DLGAP2: variants seen among roughly 807,000 people sequenced by gnomAD.
The protein encoded by DLGAP2 is disks large-associated protein 2.
DLGAP2 carries 26 observed loss-of-function variants against 100.3 expected under a neutral mutation model. The observed-to-expected ratio is 0.26, with a 90% confidence interval of 0.19 to 0.36. The LOEUF is 0.36. DLGAP2 is among the 10% of genes least tolerant of loss of function. The probability of loss-of-function intolerance (pLI) is 1.00; values close to 1 mark genes in which losing one functional copy is unlikely to be tolerated. For missense variants in DLGAP2, 1,858 were observed against 1,453.2 expected, an observed-to-expected ratio of 1.28 and a Z score of -4.53; for synonymous variants, 886 against 630.1, an observed-to-expected ratio of 1.41 and a Z score of -6.08.
intron 8 of DLGAP2, among the ~76,000 whole-genome samples, chr8:1,649,595 A>C (rs1461350968): frequency 6.6e-6 from 1 of 152,206 alleles, no homozygotes; most frequent in Non-Finnish European, 1.5e-5. Context: ...CTGTATCACT[A>C]CTGATATTTT....
At chr8:1,363,129 CCATGTGGGCCACACAAAACCATCTG>C (rs1237633819) in intron 3 of DLGAP2, among the ~76,000 whole-genome samples, 10 of 152,228 alleles carry the variant, frequency 6.6e-5, no homozygotes, top group Non-Finnish European at 1.3e-4. Flanking sequence ...AAAGAAAATA[CCATGTGGGCCACACAAAACCATCTG>C]CAGGTGGAGC....
intron 1 of DLGAP2, among the ~76,000 whole-genome samples, chr8:766,188 C>G (rs1400741876): frequency 2.0e-5 from 3 of 152,140 alleles, no homozygotes; most frequent in African/African-American, 4.8e-5. Context: ...AAACAAGAAA[C>G]AAAACCAATC....
At chr8:1,089,058 G>A (rs1318134012) in intron 2 of DLGAP2, among the ~76,000 whole-genome samples, 2 of 114,038 alleles carry the variant, frequency 1.8e-5, no homozygotes, top group Admixed American at 9.1e-5. Flanking sequence ...CTTGCTCCCC[G>A]GCCTCACTCT....
rs566421353 is a variant in DLGAP2 at position 1,211,643 on chromosome 8, A to G, written c.74-47208A>G. 2.4e-4 allele frequency among the ~76,000 whole-genome samples: 36 copies of G among 152,314 alleles called. No homozygotes were observed. In the South Asian group the frequency reaches 5.4e-3, roughly 23 times the overall value. On this transcript the variant is annotated intron_variant, in intron 2 of 14. Transcript: ENST00000637795. ...GTAATCCCAGCACTTTGGGAGGCCAAGGTGGGTGGATCACCTGAGGTCGGG... is the reference window on the plus strand; with the variant it reads ...GTAATCCCAGCACTTTGGGAGGCCAGGGTGGGTGGATCACCTGAGGTCGGG...
intron 4 of DLGAP2, among the ~76,000 whole-genome samples, chr8:1,533,822 C>T (rs928500046): frequency 3.9e-5 from 6 of 152,078 alleles, no homozygotes; most frequent in Admixed American, 1.3e-4. Context: ...CCTGGCACAG[C>T]GGCCTGAGCC....
In DLGAP2 at chr8:1,252,078, G is replaced by T. The variant is rs955927051; in HGVS notation, c.74-6773G>T. Among the ~76,000 whole-genome samples the T allele has an allele frequency of 6.2e-5, 9 of 146,162 alleles. 1 individual carries two copies. The highest frequency in any genetic ancestry group is 2.2e-4 in the African/African-American group (8 of 36,512). Reference sequence around the variant, plus strand: ...ACTTGTCACACTGTGTTGTCGTGTGGGTGTGTTGTGTTGTCCTGGGTCACG... The same window carrying T: ...ACTTGTCACACTGTGTTGTCGTGTGTGTGTGTTGTGTTGTCCTGGGTCACG... On this transcript the variant is annotated intron_variant, in intron 2 of 14. Coordinates refer to ENST00000637795, the MANE Select transcript of DLGAP2 (RefSeq NM_001346810.2).
chr8:1,108,233 G>A (rs1004414263), intron 2 of DLGAP2, among the ~76,000 whole-genome samples: 6 of 152,164 alleles, frequency 3.9e-5, no homozygotes, highest in African/African-American at 1.4e-4. Flanking sequence ...GAGGCTTTCT[G>A]GAGAATGGTT....
chr8:795,116 C>T (rs1270092360), intron 1 of DLGAP2, among the ~76,000 whole-genome samples: 1 of 152,204 alleles, frequency 6.6e-6, no homozygotes, highest in Non-Finnish European at 1.5e-5. Flanking sequence ...CATCTGGCTC[C>T]AGTGGGTTTT....
At chr8:1,080,231 G>A (rs965049925) in intron 2 of DLGAP2, among the ~76,000 whole-genome samples, 1 of 152,244 alleles carries the variant, frequency 6.6e-6, no homozygotes, top group Non-Finnish European at 1.5e-5. Flanking sequence ...CAGGCACTCA[G>A]CAGGCACTTG....
In DLGAP2 at chr8:1,419,392, ACTCACAGTAATTGTACATATTT is replaced by A. The variant is rs1797030214; in HGVS notation, c.107-81973_107-81952del. Among the ~76,000 whole-genome samples, 9 of 53,972 alleles carry A rather than the reference ACTCACAGTAATTGTACATATTT, an allele frequency of 1.7e-4. No individual in the cohort carries two copies. The South Asian group carries it at 7.5e-3, about 45-fold the overall frequency. 35.4% of individuals were successfully genotyped at this position (53,972 alleles called of 152,430 possible). ...TTTTATAAATGGTTATTTTTGGTTG[ACTCACAGTAATTGTACATATTT>A]GTGGGATACTGTGTTACACTCTGAT... is the stretch of plus-strand genomic sequence containing the variant. On this transcript the variant is annotated intron_variant, in intron 3 of 14. Transcript: ENST00000637795.
At chr8:1,483,552 CCTGAGGGCGTCTACACAGAG>C (rs1799159436) in intron 3 of DLGAP2, among the ~76,000 whole-genome samples, 9 of 145,738 alleles carry the variant, frequency 6.2e-5, no homozygotes, top group African/African-American at 2.5e-4. Flanking sequence ...GGAAGCAGGA[CCTGAGGGCGTCTACACAGAG>C]CAGGGAGGCA....
intron 2 of DLGAP2, among the ~76,000 whole-genome samples, chr8:1,187,426 T>C (rs1459905894): frequency 7.1e-6 from 1 of 141,682 alleles, no homozygotes; most frequent in Admixed American, 6.9e-5. Context: ...GGGACCTCCG[T>C]GACGTTTGCC....
intron 1 of DLGAP2, among the ~76,000 whole-genome samples, chr8:785,014 T>C (rs1821799478): frequency 6.6e-6 from 1 of 151,812 alleles, no homozygotes; most frequent in Admixed American, 6.6e-5. Flanking sequence ...GAGACCATCC[T>C]GGCTAACATG....
intron 2 of DLGAP2, among the ~76,000 whole-genome samples, chr8:1,005,472 A>G (rs1414562714): frequency 6.9e-6 from 1 of 144,446 alleles, no homozygotes; most frequent in African/African-American, 2.6e-5. Context: ...GCAGTGGTGC[A>G]GTGACAGCTC....
intron 2 of DLGAP2, among the ~76,000 whole-genome samples, chr8:1,164,477 G>A (rs952376832): frequency 2.6e-5 from 4 of 151,058 alleles, no homozygotes; most frequent in Non-Finnish European, 4.4e-5. Context: ...ACTGGCTGAC[G>A]TCCTGTTGGG....
intron 8 of DLGAP2, among the ~76,000 whole-genome samples, chr8:1,651,541 C>G (rs73545306): frequency 0.016 from 2,503 of 152,288 alleles, 69 homozygotes; most frequent in African/African-American, 0.058. Context: ...GGGCATAGCT[C>G]CAGCACATGG....
At chr8:1,657,287 A>C (rs1246603851) in intron 8 of DLGAP2, among the ~76,000 whole-genome samples, 2 of 152,252 alleles carry the variant, frequency 1.3e-5, no homozygotes, top group Non-Finnish European at 2.9e-5. Context: ...GCTAAATTAA[A>C]TTTTGAATTT....
intron 1 of DLGAP2, among the ~76,000 whole-genome samples, chr8:877,844 GC>G (rs1314157960): frequency 6.6e-6 from 1 of 152,152 alleles, no homozygotes; most frequent in Non-Finnish European, 1.5e-5. Flanking sequence ...GCTAGCGATG[GC>G]CCATAACCAT....
At chr8:1,159,599 A>C (rs1796852473) in intron 2 of DLGAP2, among the ~76,000 whole-genome samples, 1 of 149,562 alleles carries the variant, frequency 6.7e-6, no homozygotes, top group Non-Finnish European at 1.5e-5. Flanking sequence ...TTCTATCTAG[A>C]TTTGTACAAC....
Sources: allele counts gnomAD v4.1 joint callset (sites outside exome capture counted in the v4.1 genomes callset), GRCh38; gene constraint gnomAD v4.1.1; transcripts MANE v1.5; gene names NCBI Gene and HGNC (gene_info 2026-07-23, HGNC 2026-07-21).